AGK: variants seen among roughly 807,000 people sequenced by gnomAD.
AGK encodes acylglycerol kinase, mitochondrial.
A neutral mutation model predicts 66.4 loss-of-function variants in AGK; 52 were observed. The ratio of observed to expected loss-of-function variants is 0.78; its 90% CI spans 0.63 to 0.99. The LOEUF (loss-of-function observed/expected upper bound fraction) is 0.99. AGK is among the 50% of genes least tolerant of loss of function. AGK has a pLI of 0.00. For synonymous variants in AGK, 182 were observed against 181.1 expected (o/e 1.00, Z -0.04); for missense variants, 451 against 506.6 (o/e 0.89, Z 1.05).
intron 9 of AGK, among the ~76,000 whole-genome samples, chr7:141,625,911 A>T (rs1320527049): frequency 6.6e-6 from 1 of 152,116 alleles, no homozygotes; most frequent in Non-Finnish European, 1.5e-5. Flanking sequence ...ACTTTCCTGC[A>T]TGCTAGGTGG....
In AGK at chr7:141,641,375, C is replaced by G. The variant is rs147416485; in HGVS notation, c.854C>G (p.Ser285Cys). ...LYRRILRRLA[S>C]YWAQPQDALS... Reference sequence around the variant, plus strand: ...AGGAGAATATTACGAAGGCTTGCGTCCTACTGGGCACAACCACAGGATGGT... The same window carrying G: ...AGGAGAATATTACGAAGGCTTGCGTGCTACTGGGCACAACCACAGGATGGT... The change falls in exon 12 of 16, where the codon TCC becomes TGC. Residue 285 changes from serine (S) to cysteine (C), a missense_variant. Coordinates refer to ENST00000649286, the MANE Select transcript of AGK (RefSeq NM_018238.4). 1 of 1,612,954 alleles carries G rather than the reference C, an allele frequency of 6.2e-7. No homozygotes were observed. Among genetic ancestry groups the G allele is most frequent in the African/African-American group, 1.3e-5 (1 of 74,940 alleles).
chr7:141,626,751 TA>T (rs1429548908), intron 9 of AGK, among the ~76,000 whole-genome samples: 2 of 152,244 alleles, frequency 1.3e-5, no homozygotes, highest in East Asian at 3.9e-4. Context: ...TAAGGAATAC[TA>T]AAGAAATAAC....
intron 13 of AGK, among the ~76,000 whole-genome samples, chr7:141,642,343 T>G (rs17162367): frequency 0.048 from 7,265 of 152,258 alleles, 295 homozygotes; most frequent in South Asian, 0.15. Flanking sequence ...ATCTACATAT[T>G]ATTTATTTAG....
chr7:141,628,060 T>G (rs1345027621), intron 9 of AGK, among the ~76,000 whole-genome samples: 6 of 152,222 alleles, frequency 3.9e-5, no homozygotes, highest in Admixed American at 3.9e-4. Flanking sequence ...TTTTGTATTT[T>G]TAGTAGAGAC....
intron 9 of AGK, among the ~76,000 whole-genome samples, chr7:141,625,091 A>G (rs1373559443): frequency 1.3e-5 from 2 of 152,240 alleles, no homozygotes; most frequent in Non-Finnish European, 2.9e-5. Flanking sequence ...TTTTTAATTT[A>G]GCATTTAATG....
chr7:141,644,992 G>T (rs549690844), intron 13 of AGK, among the ~76,000 whole-genome samples: 107 of 151,702 alleles, frequency 7.1e-4, no homozygotes, highest in African/African-American at 2.5e-3. Context: ...TTTATAATAA[G>T]TTCTATGTTT....
intron 3 of AGK, 120 bp downstream of exon 3, chr7:141,593,305 C>T (rs1796161441): frequency 5.5e-6 from 5 of 913,416 alleles, no homozygotes; most frequent in African/African-American, 1.6e-5. Flanking sequence ...TATTTTTTAG[C>T]ACTATCAGGA....
At chr7:141,569,751 C>T (rs1446557688) in intron 2 of AGK, among the ~76,000 whole-genome samples, 1 of 152,138 alleles carries the variant, frequency 6.6e-6, no homozygotes, top group Non-Finnish European at 1.5e-5. Context: ...CAAGGTCACA[C>T]AGCTGGTATC....
At chr7:141,558,176 G>A (rs1196514183) in intron 2 of AGK, among the ~76,000 whole-genome samples, 1 of 142,566 alleles carries the variant, frequency 7.0e-6, no homozygotes, top group Non-Finnish European at 1.5e-5. Flanking sequence ...TTTTTTTTTT[G>A]AGACGGAGTC....
rs141000509 is a variant in AGK at position 141,587,509 on chromosome 7, C to T, written c.102-5637C>T. Among the ~76,000 whole-genome samples the T allele has an allele frequency of 3.3e-5, 5 of 152,338 alleles. No homozygotes were observed. The East Asian group carries it at 9.6e-4, about 29-fold the overall frequency. ...TTGGTGACCTGGCCTTTACTGGCTC[C>T]TCCCACAGCGGGTGGCCTCCAGCGG... On this transcript the variant is annotated intron_variant, in intron 2 of 15. Transcript: ENST00000649286.
At chr7:141,593,445 G>A (rs1348571800) in intron 3 of AGK, 1 of 693,318 alleles carries the variant, frequency 1.4e-6, no homozygotes, top group Non-Finnish European at 2.6e-6. Context: ...AACTGGACTG[G>A]TAGAAGCTCT....
intron 9 of AGK, among the ~76,000 whole-genome samples, chr7:141,625,810 A>G (rs1166081775): frequency 6.6e-6 from 1 of 152,062 alleles, no homozygotes; most frequent in East Asian, 1.9e-4. Flanking sequence ...GTCATCTTGC[A>G]ATCTTAGCTC....
At chr7:141,616,001 A>T (rs1046311403) in intron 8 of AGK, 2 of 158,336 alleles carry the variant, frequency 1.3e-5, no homozygotes, top group African/African-American at 4.8e-5. Flanking sequence ...ACAAGTAAAT[A>T]TAGCCACATC....
At chr7:141,583,028 G>A (rs1795914275) in intron 2 of AGK, among the ~76,000 whole-genome samples, 1 of 151,780 alleles carries the variant, frequency 6.6e-6, no homozygotes, top group Non-Finnish European at 1.5e-5. Flanking sequence ...GACTAGGAAG[G>A]GACCGATGTG....
chr7:141,559,033 A>C (rs565405155), intron 2 of AGK, among the ~76,000 whole-genome samples: 1 of 152,316 alleles, frequency 6.6e-6, no homozygotes, highest in South Asian at 2.1e-4. Context: ...TGTGAGATAT[A>C]GAATTTTCAA....
At position 141,555,423 on chromosome 7, in the gene AGK, T is replaced by G. The variant is rs766618906; in HGVS notation, c.-14-30T>G. 1 of 1,467,274 alleles carries G rather than the reference T, an allele frequency of 6.8e-7. No homozygotes were observed. The highest frequency in any genetic ancestry group is 2.3e-5 in the East Asian group (1 of 44,068). The allele number at this position is 1,467,274 out of a possible 1,614,324, so 90.9% of individuals were successfully genotyped here. On this transcript the variant is annotated intron_variant, in intron 1 of 15. Transcript: ENST00000649286. This position sits in a 1 kb window ranked among gnomAD's most constrained non-coding sequence, Gnocchi z 4.2. The stretch of plus-strand genomic sequence containing the variant: ...CATGAAGACCATGGATAAATTATAT[T>G]TTTTTCTCTTTCCGCCTCTACTAAC...
chr7:141,613,980 A>T (rs552551728), intron 6 of AGK, among the ~76,000 whole-genome samples, 166 bp from the exon 7 acceptor site: 2 of 152,260 alleles, frequency 1.3e-5, no homozygotes, highest in African/African-American at 4.8e-5. Flanking sequence ...TTTAGCTCTG[A>T]TTCTATTGGA....
chr7:141,559,282 AT>A (rs1365072172), intron 2 of AGK, among the ~76,000 whole-genome samples: 5 of 151,814 alleles, frequency 3.3e-5, no homozygotes, highest in South Asian at 4.2e-4. Context: ...TTTTGAGTTA[AT>A]TTTTTTTATA....
intron 9 of AGK, among the ~76,000 whole-genome samples, chr7:141,630,776 G>A (rs1797038770): frequency 6.6e-6 from 1 of 152,174 alleles, no homozygotes; most frequent in Non-Finnish European, 1.5e-5. Flanking sequence ...AGTTCTAGAT[G>A]AGAGAATTAA....
Sources: allele counts gnomAD v4.1 joint callset (sites outside exome capture counted in the v4.1 genomes callset), GRCh38; gene constraint gnomAD v4.1.1; non-coding constraint Gnocchi (gnomAD v3.1); transcripts MANE v1.5; gene names NCBI Gene and HGNC (gene_info 2026-07-23, HGNC 2026-07-21).